The following GAS2 variants were observed in gnomAD, a reference collection of about 807,000 sequenced individuals.
GAS2 encodes the protein growth arrest-specific protein 2.
GAS2 carries 20 observed loss-of-function variants against 37.5 expected under a neutral mutation model. The observed-to-expected ratio is 0.53, with a 90% CI of 0.37 to 0.77. The LOEUF (loss-of-function observed/expected upper bound fraction) is 0.77. Among genes scored for constraint, GAS2 ranks in the 30% least tolerant of loss-of-function variants. GAS2 has a pLI of 0.00. For missense variants in GAS2, 336 were observed against 373.4 expected (o/e 0.90, Z 0.82); for synonymous variants, 144 against 132.2 (o/e 1.09, Z -0.61).
intron 7 of GAS2, among the ~76,000 whole-genome samples, chr11:22,766,958 A>G (rs1182552003): frequency 6.6e-6 from 1 of 152,182 alleles, no homozygotes. Context: ...AACTAAACAT[A>G]TGACCAAGTG....
chr11:22,801,192 CAG>C (rs1294335213), intron 7 of GAS2, among the ~76,000 whole-genome samples: 1 of 151,728 alleles, frequency 6.6e-6, no homozygotes, highest in African/African-American at 2.4e-5. Flanking sequence ...AACTAAGAGA[CAG>C]GGGAAAAAAA....
rs574600822 is a variant in GAS2 at position 22,633,949 on chromosome 11, C to T, written c.-21+8136C>T. Among the ~76,000 whole-genome samples, 67 of 152,266 alleles carry T rather than the reference C, an allele frequency of 4.4e-4. 1 individual carries two copies. The highest frequency in any genetic ancestry group is 1.6e-3 in the African/African-American group (65 of 41,536). Reference sequence around the variant, plus strand: ...CAGGAAGCCTCTCTACATGTGTACCCATGCCAAGCTCTTGTGGGAGAAGCC... The same window carrying T: ...CAGGAAGCCTCTCTACATGTGTACCTATGCCAAGCTCTTGTGGGAGAAGCC... On this transcript the variant is annotated intron_variant, in intron 1 of 5. Transcript: ENST00000528582.
Position 22,726,303 on chromosome 11 carries a change from G to T in GAS2, c.279G>T (p.Leu93Phe). The change falls in exon 4 of 8, where the codon TTG (leucine) becomes TTT (phenylalanine). Residue 93 changes from leucine (L) to phenylalanine (F), a missense_variant. Coordinates refer to ENST00000454584, the MANE Select transcript of GAS2 (RefSeq NM_001143830.3). ...DANKPTKNLP[L>F]KKIPCKTSAP... ...TCTTTATTTTTCAGAATCTACCGTT[G>T]AAGAAGATCCCATGCAAAACCAGTG... 6.2e-7 allele frequency: 1 copy of T among 1,601,480 alleles called. No individual in the cohort carries two copies. The highest frequency in any genetic ancestry group is 1.8e-5 in the Admixed American group (1 of 55,818).
intron 7 of GAS2, among the ~76,000 whole-genome samples, chr11:22,770,771 G>A (rs1854937765): frequency 6.6e-6 from 1 of 152,164 alleles, no homozygotes; most frequent in Admixed American, 6.5e-5. Flanking sequence ...TTCACTATAT[G>A]AAAATATGGA....
chr11:22,800,349 G>A (rs981130656), intron 7 of GAS2, among the ~76,000 whole-genome samples: 4 of 151,966 alleles, frequency 2.6e-5, no homozygotes, highest in South Asian at 4.1e-4. Context: ...CAGGATCTTC[G>A]CCACATTGCC....
intron 7 of GAS2, among the ~76,000 whole-genome samples, chr11:22,767,685 C>A (rs1426296347): frequency 6.6e-6 from 1 of 152,054 alleles, no homozygotes; most frequent in African/African-American, 2.4e-5. Context: ...CTATAGTTCT[C>A]CCATGGGTTC....
chr11:22,738,823 T>C (rs529535785), intron 5 of GAS2, among the ~76,000 whole-genome samples: 1 of 152,332 alleles, frequency 6.6e-6, no homozygotes, highest in South Asian at 2.1e-4. Context: ...ATAATCTTCA[T>C]GAATTGTGCA....
At chr11:22,663,418 A>T (rs1361618040), upstream of GAS2, among the ~76,000 whole-genome samples, 2 of 151,956 alleles carry the variant, frequency 1.3e-5, no homozygotes, top group Admixed American at 1.3e-4. Flanking sequence ...AAAAAAAAAT[A>T]AAAAAATAAA....
chr11:22,791,629 A>T (rs1856167677), intron 7 of GAS2, among the ~76,000 whole-genome samples: 1 of 152,234 alleles, frequency 6.6e-6, no homozygotes, highest in Admixed American at 6.5e-5. Flanking sequence ...ATGAATCACA[A>T]AGTGGCAGAA....
chr11:22,675,782 G>A (rs1445160800), intron 2 of GAS2, among the ~76,000 whole-genome samples: 1 of 152,112 alleles, frequency 6.6e-6, no homozygotes, highest in East Asian at 1.9e-4. Context: ...TATAAGATTT[G>A]AGCATATCAT....
At chr11:22,711,531 C>A (rs1293425453) in intron 3 of GAS2, among the ~76,000 whole-genome samples, 1 of 152,198 alleles carries the variant, frequency 6.6e-6, no homozygotes, top group Non-Finnish European at 1.5e-5. Context: ...AGTGCAGAAG[C>A]CACAGATGGT....
intron 3 of GAS2, among the ~76,000 whole-genome samples, chr11:22,701,811 G>T (rs1850858328): frequency 6.6e-6 from 1 of 152,088 alleles, no homozygotes; most frequent in East Asian, 1.9e-4. Context: ...CCTGGACAAT[G>T]GAGTGAGACT....
chr11:22,773,257 G>C (rs1301657836), intron 7 of GAS2, among the ~76,000 whole-genome samples: 1 of 152,040 alleles, frequency 6.6e-6, no homozygotes, highest in Admixed American at 6.6e-5. Context: ...TTGCCAAGCT[G>C]TCTTCATTCC....
chr11:22,640,551 A>G (rs560666447), intron 1 of GAS2, among the ~76,000 whole-genome samples: 1 of 152,290 alleles, frequency 6.6e-6, no homozygotes, highest in East Asian at 1.9e-4. Flanking sequence ...TCAAGCATAT[A>G]AAGAGAACTT....
chr11:22,730,416 A>G, intron 4 of GAS2, among the ~76,000 whole-genome samples: 1 of 151,822 alleles, frequency 6.6e-6, no homozygotes, highest in East Asian at 1.9e-4. Flanking sequence ...TTAAACTGAT[A>G]CTTTAAGTGA....
At chr11:22,655,154 C>T (rs1848841007) in intron 1 of GAS2, among the ~76,000 whole-genome samples, 1 of 152,156 alleles carries the variant, frequency 6.6e-6, no homozygotes, top group Admixed American at 6.6e-5. Context: ...ATTTTCAGGC[C>T]TCTGGGCTAG....
chr11:22,729,407 G>A (rs1852367873), intron 4 of GAS2, among the ~76,000 whole-genome samples: 1 of 151,842 alleles, frequency 6.6e-6, no homozygotes, highest in African/African-American at 2.4e-5. Flanking sequence ...GATGAACTGG[G>A]GAGAAGGGAG....
At position 22,812,054 on chromosome 11, in the gene GAS2, C is replaced by T; in HGVS notation, c.*38C>T. On this transcript the variant is annotated 3_prime_UTR_variant, in exon 8 of 8. Transcript: ENST00000454584. The stretch of plus-strand genomic sequence containing the variant: ...ATGACAAGGGGACCCTCATAATGGC[C>T]TGTATCCACTTCTCCAGTATAGTCA... 1 of 1,407,942 alleles carries T rather than the reference C, an allele frequency of 7.1e-7. No homozygotes were observed. The highest frequency in any genetic ancestry group is 1.4e-5 in the African/African-American group (1 of 70,696). The allele number at this position is 1,407,942 out of a possible 1,614,324, so 87.2% of individuals were successfully genotyped here. A position where few individuals can be genotyped will look rare whatever the true frequency, so the allele number is the denominator to read the frequency against.
intron 4 of GAS2, among the ~76,000 whole-genome samples, chr11:22,730,781 T>C (rs1191754018): frequency 6.6e-6 from 1 of 151,730 alleles, no homozygotes; most frequent in East Asian, 1.9e-4. Context: ...TATATAGCTA[T>C]AGAAGGCTCT....
Sources: allele counts gnomAD v4.1 joint callset (sites outside exome capture counted in the v4.1 genomes callset), GRCh38; gene constraint gnomAD v4.1.1; transcripts MANE v1.5; gene names NCBI Gene and HGNC (gene_info 2026-07-23, HGNC 2026-07-21).